The following CSMD1 variants were observed in gnomAD, a reference collection of about 807,000 sequenced individuals.
CSMD1 encodes CUB and sushi domain-containing protein 1.
Under a neutral mutation model 417.5 loss-of-function variants are expected in CSMD1, and 213 were observed. The observed-to-expected ratio is 0.51, with a 90% CI of 0.46 to 0.57. CSMD1 has a LOEUF of 0.57. Ranked by LOEUF, CSMD1 falls within the 20% of genes least tolerant of loss-of-function variation. The pLI, the probability that CSMD1 is intolerant of heterozygous loss-of-function variation, is 0.00. For synonymous variants in CSMD1, 2,862 were observed against 1,736.8 expected (o/e 1.65, Z -16.11); for missense variants, 6,923 against 4,529.7 (o/e 1.53, Z -15.17).
intron 5 of CSMD1, among the ~76,000 whole-genome samples, chr8:3,975,747 A>T (rs1488690686): frequency 1.3e-5 from 2 of 152,202 alleles, no homozygotes; most frequent in Non-Finnish European, 2.9e-5. Context: ...ATAAAACAGA[A>T]AATGTCATGT....
At chr8:4,623,685 G>C (rs1241219788) in intron 2 of CSMD1, among the ~76,000 whole-genome samples, 1 of 152,032 alleles carries the variant, frequency 6.6e-6, no homozygotes, top group Non-Finnish European at 1.5e-5. Context: ...AATGTGGATG[G>C]ACCTCAAAAT....
At chr8:2,993,643 C>G (rs111996208) in intron 54 of CSMD1, among the ~76,000 whole-genome samples, 42 of 152,204 alleles carry the variant, frequency 2.8e-4, no homozygotes, top group African/African-American at 1.0e-3. Flanking sequence ...AAAGGTCTCC[C>G]GGGACGTATA....
At chr8:3,837,783 G>A (rs1000180393) in intron 5 of CSMD1, among the ~76,000 whole-genome samples, 1 of 139,246 alleles carries the variant, frequency 7.2e-6, no homozygotes. Context: ...TGTTTTCTCA[G>A]ACTGCACTAT....
At chr8:4,691,017 G>A (rs938530498) in intron 1 of CSMD1, among the ~76,000 whole-genome samples, 1 of 152,182 alleles carries the variant, frequency 6.6e-6, no homozygotes, top group African/African-American at 2.4e-5. Context: ...ATGAGCCACC[G>A]TGACTGGCCA....
intron 7 of CSMD1, among the ~76,000 whole-genome samples, chr8:3,684,474 G>T (rs941657339): frequency 3.5e-4 from 53 of 150,466 alleles, no homozygotes; most frequent in Admixed American, 8.0e-4. Flanking sequence ...TAGGTTTTGG[G>T]ATTTTTCTTT....
At chr8:4,164,863 C>G (rs561816450) in intron 3 of CSMD1, among the ~76,000 whole-genome samples, 1 of 135,740 alleles carries the variant, frequency 7.4e-6, no homozygotes. Context: ...AGCAACAGAG[C>G]AAGACTCCAT....
chr8:3,152,697 T>C (rs1305607285), intron 39 of CSMD1, among the ~76,000 whole-genome samples: 1 of 152,208 alleles, frequency 6.6e-6, no homozygotes, highest in Non-Finnish European at 1.5e-5. Context: ...GTGTGAGTCA[T>C]AATTCTGGAA....
chr8:4,710,526 G>A (rs923578293), intron 1 of CSMD1, among the ~76,000 whole-genome samples: 35 of 149,578 alleles, frequency 2.3e-4, no homozygotes, highest in African/African-American at 8.3e-4. Context: ...TGTGCCAGGA[G>A]AAGATGGTGG....
chr8:3,099,991 T>C (rs1815613677), intron 46 of CSMD1, among the ~76,000 whole-genome samples: 1 of 152,168 alleles, frequency 6.6e-6, no homozygotes, highest in Non-Finnish European at 1.5e-5. Context: ...GTCATACATA[T>C]TGTTTTCAAA....
chr8:4,468,904 T>C (rs1389119468), intron 2 of CSMD1, among the ~76,000 whole-genome samples: 5 of 151,996 alleles, frequency 3.3e-5, no homozygotes, highest in Non-Finnish European at 5.9e-5. Flanking sequence ...TTTTGGCTAA[T>C]AGGAAAGGAA....
intron 3 of CSMD1, among the ~76,000 whole-genome samples, chr8:4,133,658 T>G (rs1714750): frequency 0.99 from 150,957 of 152,280 alleles, 74,840 homozygotes; most frequent in Middle Eastern, 1. Flanking sequence ...AATCTCCATG[T>G]AAGTGTAGGG....
chr8:4,571,276 T>G (rs1798880660), intron 2 of CSMD1, among the ~76,000 whole-genome samples: 1 of 152,188 alleles, frequency 6.6e-6, no homozygotes, highest in Non-Finnish European at 1.5e-5. Context: ...CATGTGAGAA[T>G]TTAGCACTAT....
intron 54 of CSMD1, among the ~76,000 whole-genome samples, chr8:2,995,805 G>A (rs573710119): frequency 6.6e-6 from 1 of 152,342 alleles, no homozygotes; most frequent in East Asian, 1.9e-4. Flanking sequence ...TCAGAAGGCT[G>A]CACACCACAT....
At position 4,776,184 on chromosome 8, in the gene CSMD1, G is replaced by C. The variant is rs371578513; in HGVS notation, c.86-138626C>G. Among the ~76,000 whole-genome samples the C allele has an allele frequency of 2.4e-4, 36 of 152,084 alleles. 1 individual carries two copies. Among genetic ancestry groups the C allele is most frequent in the Admixed American group, 1.8e-3 (27 of 15,260 alleles). On this transcript the variant is annotated intron_variant, in intron 1 of 69. Coordinates refer to ENST00000635120, the MANE Select transcript of CSMD1 (RefSeq NM_033225.6). The stretch of plus-strand genomic sequence containing the variant: ...AGGCGACCCACATTAGTTTAGAAGA[G>C]AGCCTGTTCCCATGGTCACTCTAGG...
At chr8:3,039,253 C>G (rs539608639) in intron 50 of CSMD1, among the ~76,000 whole-genome samples, 2 of 144,172 alleles carry the variant, frequency 1.4e-5, no homozygotes, top group African/African-American at 5.6e-5. Context: ...GACTCCCGTG[C>G]CTGAAACCAT....
At chr8:4,407,356 C>G (rs902541892) in intron 3 of CSMD1, among the ~76,000 whole-genome samples, 2 of 152,122 alleles carry the variant, frequency 1.3e-5, no homozygotes, top group Non-Finnish European at 2.9e-5. Flanking sequence ...TTTTAAAACT[C>G]AATTTTTACT....
intron 11 of CSMD1, among the ~76,000 whole-genome samples, chr8:3,478,702 C>G (rs112848298): frequency 5.3e-5 from 8 of 152,152 alleles, no homozygotes; most frequent in Non-Finnish European, 1.0e-4. Flanking sequence ...GACTACCAGA[C>G]TACGCAGCAC....
At chr8:3,261,309 G>A (rs1448116233) in intron 26 of CSMD1, among the ~76,000 whole-genome samples, 1 of 152,150 alleles carries the variant, frequency 6.6e-6, no homozygotes, top group Non-Finnish European at 1.5e-5. Context: ...TTATTTGGCA[G>A]TTAAAAGCAA....
chr8:4,019,819 A>C (rs1796700808), intron 4 of CSMD1, among the ~76,000 whole-genome samples: 1 of 151,780 alleles, frequency 6.6e-6, no homozygotes, highest in East Asian at 1.9e-4. Context: ...CCTTTCTTTC[A>C]CTAGGCACTC....
Sources: allele counts gnomAD v4.1 joint callset (sites outside exome capture counted in the v4.1 genomes callset), GRCh38; gene constraint gnomAD v4.1.1; transcripts MANE v1.5; gene names NCBI Gene and HGNC (gene_info 2026-07-23, HGNC 2026-07-21).